Variants in USP34 observed in about 807,000 individuals in gnomAD.
USP34 encodes the protein ubiquitin specific peptidase 34, also known as ubiquitin carboxyl-terminal hydrolase 34.
USP34 carries 70 observed loss-of-function variants against 460.3 expected under a neutral mutation model. The observed-to-expected ratio is 0.15, with a 90% CI of 0.13 to 0.19. The LOEUF is 0.19. Among genes scored for constraint, USP34 ranks in the 10% least tolerant of loss-of-function variants. USP34 has a pLI of 1.00. For synonymous variants in USP34, 1,647 were observed against 1,405.3 expected (o/e 1.17, Z -3.85); for missense variants, 3,985 against 4,236.2 (o/e 0.94, Z 1.65).
chr2:61,230,062 A>G (rs1687847245), intron 58 of USP34, among the ~76,000 whole-genome samples: 1 of 32,054 alleles, frequency 3.1e-5, no homozygotes, highest in Non-Finnish European at 7.7e-5. Context: ...AATCACATGA[A>G]AAAAATGTGT....
chr2:61,449,871 G>C (rs919528718), intron 1 of USP34, among the ~76,000 whole-genome samples: 4 of 152,166 alleles, frequency 2.6e-5, no homozygotes, highest in East Asian at 3.9e-4. Flanking sequence ...TGCGAGACCA[G>C]CCTGGCCAAT....
intron 27 of USP34, among the ~76,000 whole-genome samples, chr2:61,305,331 T>A (rs1266894514): frequency 1.3e-5 from 2 of 150,346 alleles, no homozygotes; most frequent in Non-Finnish European, 1.5e-5. Flanking sequence ...AAAAAAAAAA[T>A]TTACAGACAT....
intron 18 of USP34, among the ~76,000 whole-genome samples, chr2:61,336,028 T>C (rs1691404633): frequency 6.6e-6 from 1 of 152,158 alleles, no homozygotes. Flanking sequence ...AAGAAGTATA[T>C]TCTACAAAAT....
intron 2 of USP34, 86 bp from the exon 3 acceptor site, chr2:61,406,214 T>G (rs1430368224): frequency 2.5e-6 from 3 of 1,179,998 alleles, no homozygotes; most frequent in African/African-American, 1.5e-5. Context: ...AAGCAAATAC[T>G]AAGTTATTTC....
chr2:61,419,956 A>G (rs1376434588), intron 2 of USP34, among the ~76,000 whole-genome samples: 5 of 152,212 alleles, frequency 3.3e-5, no homozygotes, highest in Admixed American at 1.3e-4. Flanking sequence ...TGCAACAAGT[A>G]TATCTGCCAA....
At chr2:61,417,593 GCT>G (rs1694232087) in intron 2 of USP34, among the ~76,000 whole-genome samples, 1 of 151,590 alleles carries the variant, frequency 6.6e-6, no homozygotes. Context: ...GTAAGCTGTC[GCT>G]CTGAATGGTG....
chr2:61,294,205 G>T (rs1689950691), intron 32 of USP34, among the ~76,000 whole-genome samples: 1 of 151,872 alleles, frequency 6.6e-6, no homozygotes, highest in Non-Finnish European at 1.5e-5. Context: ...AATTAGCCGG[G>T]TGTGGTGGCG....
intron 10 of USP34, among the ~76,000 whole-genome samples, chr2:61,365,656 G>C (rs1692414712): frequency 6.6e-6 from 1 of 152,072 alleles, no homozygotes; most frequent in Non-Finnish European, 1.5e-5. Context: ...TGAGGAAAAA[G>C]GATTTGTCAG....
At chr2:61,226,867 A>G (rs1687743989) in intron 62 of USP34, 200 bp downstream of exon 62, 1 of 618,386 alleles carries the variant, frequency 1.6e-6, no homozygotes, top group African/African-American at 1.9e-5. Context: ...GTTTGGTAGA[A>G]AAAACTGAAA....
At chr2:61,400,664 A>C (rs1019845903) in intron 3 of USP34, among the ~76,000 whole-genome samples, 5 of 152,058 alleles carry the variant, frequency 3.3e-5, no homozygotes, top group Non-Finnish European at 1.5e-5. Flanking sequence ...AGCCCAGGAA[A>C]CAGAGCAAGA....
At chr2:61,350,734 C>G (rs775935601) in intron 10 of USP34, 41 bp from the exon 11 acceptor site, 1 of 1,589,016 alleles carries the variant, frequency 6.3e-7, no homozygotes, top group Non-Finnish European at 8.5e-7. Flanking sequence ...AAATAATTGC[C>G]CAATACATGT....
chr2:61,241,854 A>G (rs1468321945), intron 51 of USP34, 35 bp from the exon 52 acceptor site: 1 of 1,165,098 alleles, frequency 8.6e-7, no homozygotes, highest in East Asian at 2.6e-5. Flanking sequence ...CTTCTTTGAA[A>G]AAATGGGTAT....
At chr2:61,350,419 G>T in intron 11 of USP34, 30 bp from the exon 12 acceptor site, 1 of 1,593,586 alleles carries the variant, frequency 6.3e-7, no homozygotes, top group South Asian at 1.2e-5. Context: ...ATTTCAGTTT[G>T]AGAATTCCAG....
At chr2:61,415,423 C>T (rs1020843348) in intron 2 of USP34, among the ~76,000 whole-genome samples, 1 of 152,054 alleles carries the variant, frequency 6.6e-6, no homozygotes, top group Non-Finnish European at 1.5e-5. Context: ...TGGCTCATTG[C>T]TGAGCAACAT....
At chr2:61,223,958 A>G (rs941252644) in intron 62 of USP34, among the ~76,000 whole-genome samples, 12 of 152,216 alleles carry the variant, frequency 7.9e-5, no homozygotes, top group Non-Finnish European at 1.3e-4. Flanking sequence ...CATCCACTCA[A>G]TATGAATTAT....
chr2:61,258,111 T>C (rs929086627), intron 44 of USP34, among the ~76,000 whole-genome samples: 1 of 152,132 alleles, frequency 6.6e-6, no homozygotes, highest in Non-Finnish European at 1.5e-5. Flanking sequence ...CCCAGCACTT[T>C]GGGAGGGTAC....
chr2:61,413,991 C>T (rs1230239001), intron 2 of USP34, among the ~76,000 whole-genome samples: 1 of 151,286 alleles, frequency 6.6e-6, no homozygotes, highest in Non-Finnish European at 1.5e-5. Flanking sequence ...GAGTGAGTGG[C>T]TCACACCTGT....
chr2:61,349,101 G>A (rs1199070460), intron 13 of USP34, 149 bp downstream of exon 13: 44 of 1,047,420 alleles, frequency 4.2e-5, no homozygotes, highest in Non-Finnish European at 5.2e-5. Flanking sequence ...TAAGAAAAAT[G>A]GGTAACACGA....
intron 23 of USP34, among the ~76,000 whole-genome samples, chr2:61,315,215 C>G (rs3765051): frequency 0.53 from 81,047 of 152,002 alleles, 21,901 homozygotes; most frequent in South Asian, 0.74. Flanking sequence ...CTACATAGTA[C>G]GAAAATTCTA....
Sources: allele counts gnomAD v4.1 joint callset (sites outside exome capture counted in the v4.1 genomes callset), GRCh38; gene constraint gnomAD v4.1.1; transcripts MANE v1.5; gene names NCBI Gene and HGNC (gene_info 2026-07-23, HGNC 2026-07-21).